The following JAK1 variants were observed in gnomAD, a reference collection of about 807,000 sequenced individuals.
JAK1 encodes Janus kinase 1.
JAK1 carries 16 observed loss-of-function variants against 136.6 expected under a neutral mutation model. The ratio of observed to expected loss-of-function variants is 0.12; its 90% CI spans 0.08 to 0.18. The LOEUF (loss-of-function observed/expected upper bound fraction) is 0.18, where lower values mean the gene tolerates loss of function less well. Among genes scored for constraint, JAK1 ranks in the 10% least tolerant of loss-of-function variants. The pLI is 1.00. For missense variants in JAK1, 859 were observed against 1,450.1 expected (o/e 0.59, Z 6.62); for synonymous variants, 492 against 519.5 (o/e 0.95, Z 0.72).
intron 2 of JAK1, among the ~76,000 whole-genome samples, chr1:65,007,617 C>T (rs567738252): frequency 1.3e-5 from 2 of 152,198 alleles, no homozygotes; most frequent in South Asian, 4.2e-4. Flanking sequence ...CATGCCACCA[C>T]GCCCAGCTAA....
intron 1 of JAK1, among the ~76,000 whole-genome samples, chr1:64,950,175 C>G (rs1258211260): frequency 1.3e-5 from 2 of 152,148 alleles, no homozygotes; most frequent in African/African-American, 4.8e-5. Flanking sequence ...TTTGGCGGGC[C>G]AAGGCGGGCG....
chr1:64,935,932 C>T (rs141137549), intron 1 of JAK1, among the ~76,000 whole-genome samples: 309 of 152,286 alleles, frequency 2.0e-3, no homozygotes, highest in African/African-American at 7.3e-3. Flanking sequence ...TTAGAACAGA[C>T]CGGTGTGTGT....
intron 1 of JAK1, among the ~76,000 whole-genome samples, chr1:64,925,069 G>A (rs543806904): frequency 5.3e-5 from 8 of 152,088 alleles, no homozygotes; most frequent in Non-Finnish European, 8.8e-5. Context: ...TTATGAGGGA[G>A]GTTATGCAAG....
intron 6 of JAK1, among the ~76,000 whole-genome samples, chr1:64,867,985 C>T (rs1488528031): frequency 1.3e-5 from 2 of 151,534 alleles, no homozygotes; most frequent in African/African-American, 2.4e-5. Flanking sequence ...AGCAAAACTC[C>T]GTCCCCCCAA....
At chr1:64,861,934 C>G (rs1336292937) in intron 8 of JAK1, among the ~76,000 whole-genome samples, 3 of 152,208 alleles carry the variant, frequency 2.0e-5, no homozygotes, top group Admixed American at 1.3e-4. Context: ...GCCCCTCACC[C>G]AGCCACATGA....
intron 12 of JAK1, 99 bp downstream of exon 12, chr1:64,850,705 A>T: frequency 1.3e-6 from 1 of 784,870 alleles, no homozygotes; most frequent in Non-Finnish European, 2.2e-6. Context: ...TTCTACTAAG[A>T]TTTCCCCAAA....
chr1:64,900,920 A>G (rs1645095360), intron 1 of JAK1, among the ~76,000 whole-genome samples: 1 of 151,820 alleles, frequency 6.6e-6, no homozygotes. Flanking sequence ...TGCTGTCCCC[A>G]CTCATCCTTC....
intron 1 of JAK1, among the ~76,000 whole-genome samples, chr1:64,909,017 C>T (rs952922892): frequency 6.6e-6 from 1 of 152,142 alleles, no homozygotes. Context: ...AACGAACGAG[C>T]TAATTACAAA....
chr1:64,938,571 C>T (rs1011490830), intron 1 of JAK1, among the ~76,000 whole-genome samples: 34 of 152,186 alleles, frequency 2.2e-4, no homozygotes, highest in African/African-American at 7.7e-4. Flanking sequence ...TTTATTGCTC[C>T]GCTTCCCTTG....
At chr1:64,846,545 C>T in intron 14 of JAK1, 104 bp downstream of exon 14, 1 of 803,038 alleles carries the variant, frequency 1.2e-6, no homozygotes, top group East Asian at 2.6e-5. Flanking sequence ...AAAAGAAAGG[C>T]AAGAAGCCTG....
intron 8 of JAK1, among the ~76,000 whole-genome samples, chr1:64,861,327 A>T (rs1656325022): frequency 6.6e-6 from 1 of 152,066 alleles, no homozygotes; most frequent in Non-Finnish European, 1.5e-5. Flanking sequence ...GAGAGAGCAG[A>T]GTGTCTTACT....
chr1:64,955,874 G>A (rs796177362), intron 1 of JAK1, among the ~76,000 whole-genome samples: 20 of 152,358 alleles, frequency 1.3e-4, no homozygotes, highest in African/African-American at 4.6e-4. Flanking sequence ...TGGGGCAAAA[G>A]CAAAGGGAGA....
At chr1:64,849,705 T>C (rs1050437582) in intron 12 of JAK1, among the ~76,000 whole-genome samples, 20 of 152,206 alleles carry the variant, frequency 1.3e-4, no homozygotes, top group African/African-American at 4.8e-4. Context: ...GCTAAGTGGA[T>C]GTGGAAGGCA....
chr1:64,931,437 T>C (rs1645690339), intron 1 of JAK1, among the ~76,000 whole-genome samples: 1 of 152,002 alleles, frequency 6.6e-6, no homozygotes, highest in East Asian at 1.9e-4. Context: ...CGGGTGTCAC[T>C]CATCCAAGTC....
intron 2 of JAK1, among the ~76,000 whole-genome samples, chr1:65,028,180 T>C (rs1350172550): frequency 6.6e-6 from 1 of 152,144 alleles, no homozygotes; most frequent in African/African-American, 2.4e-5. Context: ...CCTCATCTCC[T>C]TGAGGTCTCT....
chr1:64,927,436 A>G (rs1255386677), intron 1 of JAK1, among the ~76,000 whole-genome samples: 1 of 152,208 alleles, frequency 6.6e-6, no homozygotes, highest in Non-Finnish European at 1.5e-5. Context: ...TAAGTGGGCA[A>G]ATGAACGAAT....
At chr1:65,058,006 C>T (rs1647625969) in intron 1 of JAK1, among the ~76,000 whole-genome samples, 1 of 152,064 alleles carries the variant, frequency 6.6e-6, no homozygotes, top group Non-Finnish European at 1.5e-5. Flanking sequence ...GCAACAATTT[C>T]AATACTGTTC....
At chr1:65,012,335 A>G (rs1646856057) in intron 2 of JAK1, among the ~76,000 whole-genome samples, 1 of 152,190 alleles carries the variant, frequency 6.6e-6, no homozygotes, top group Admixed American at 6.5e-5. Flanking sequence ...AAGACCATAA[A>G]GAGCACCCGT....
intron 9 of JAK1, 92 bp from the exon 10 acceptor site, chr1:64,857,871 C>A: frequency 6.9e-7 from 1 of 1,456,592 alleles, no homozygotes; most frequent in Non-Finnish European, 9.5e-7. Flanking sequence ...TGCCTCAAGT[C>A]TTAACAGCCC....
Sources: allele counts gnomAD v4.1 joint callset (sites outside exome capture counted in the v4.1 genomes callset), GRCh38; gene constraint gnomAD v4.1.1; transcripts MANE v1.5; gene names NCBI Gene and HGNC (gene_info 2026-07-23, HGNC 2026-07-21).